The following SMAD4 variants were observed in gnomAD, a reference collection of about 807,000 sequenced individuals.
The protein encoded by SMAD4 is MAD homolog 4.
SMAD4 carries 7 observed loss-of-function variants against 63.2 expected under a neutral mutation model. That is an observed-to-expected ratio of 0.11 (90% CI 0.06 to 0.21). The LOEUF (loss-of-function observed/expected upper bound fraction) is 0.21, where lower values mean the gene tolerates loss of function less well. Ranked by LOEUF, SMAD4 falls within the 10% of genes least tolerant of loss-of-function variation. The pLI is 1.00. For synonymous variants in SMAD4, 215 were observed against 235.4 expected (o/e 0.91, Z 0.79); for missense variants, 312 against 693.8 (o/e 0.45, Z 6.18).
In SMAD4 at chr18:51,079,353, C is replaced by G. The variant is rs1910550858; in HGVS notation, c.*886C>G. On this transcript the variant is annotated 3_prime_UTR_variant, in exon 12 of 12. Coordinates refer to ENST00000342988, the MANE Select transcript of SMAD4 (RefSeq NM_005359.6). Reference sequence around the variant, plus strand: ...AACACTAAAAGCAGCGTCACTCTACCTAATGTCTCACTGTTCTGCAAAGGT... The same window carrying G: ...AACACTAAAAGCAGCGTCACTCTACGTAATGTCTCACTGTTCTGCAAAGGT... The G allele has an allele frequency of 4.3e-6, 1 of 233,360 alleles. No homozygotes were observed. The highest frequency in any genetic ancestry group is 1.8e-4 in the South Asian group (1 of 5,524). 14.5% of individuals were successfully genotyped at this position (233,360 alleles called of 1,614,324 possible). A position where few individuals can be genotyped will look rare whatever the true frequency, so the allele number is the denominator to read the frequency against.
intron 11 of SMAD4, among the ~76,000 whole-genome samples, chr18:51,077,950 T>A (rs1487508776): frequency 3.3e-5 from 5 of 152,214 alleles, no homozygotes; most frequent in African/African-American, 1.2e-4. Flanking sequence ...AAAAACAAGT[T>A]GTTTCTTATC....
At chr18:51,075,281 A>G (rs1248038416) in intron 10 of SMAD4, among the ~76,000 whole-genome samples, 4 of 152,218 alleles carry the variant, frequency 2.6e-5, no homozygotes, top group African/African-American at 4.8e-5. Flanking sequence ...AATTTTTTCA[A>G]GCATCTGAAA....
At chr18:51,058,543 C>A in intron 7 of SMAD4, 87 bp downstream of exon 7, 1 of 843,556 alleles carries the variant, frequency 1.2e-6, no homozygotes, top group Non-Finnish European at 1.9e-6. Flanking sequence ...GTTTTTACAT[C>A]TTTTATTCAT....
Position 51,082,650 on chromosome 18 carries a change from T to TACAA in SMAD4, c.*4183_*4184insACAA, listed in dbSNP as rs1910637816. On this transcript the variant is annotated 3_prime_UTR_variant, in exon 12 of 12. Transcript: ENST00000342988. ...TTCTTTCTGTGCTTGGCTATCTTTG[T>TACAA]GGACTTCAGGGGCTTCTAAAACAGA... The TACAA allele has an allele frequency of 8.6e-6, 2 of 231,428 alleles. No homozygotes were observed. The highest frequency in any genetic ancestry group is 1.7e-5 in the Non-Finnish European group (2 of 117,014). 14.3% of individuals were successfully genotyped at this position (231,428 alleles called of 1,614,324 possible). A position where few individuals can be genotyped will look rare whatever the true frequency, so the allele number is the denominator to read the frequency against.
chr18:51,047,951 C>T (rs568075326), intron 2 of SMAD4, among the ~76,000 whole-genome samples: 7 of 152,156 alleles, frequency 4.6e-5, no homozygotes, highest in African/African-American at 1.7e-4. Context: ...TTTAAACAAC[C>T]GGATTACACT....
rs1568203460 is a variant in SMAD4, at chr18:51,048,775, A to G, written c.339A>G (p.Lys113=). ...ACAAAAATGAACTAAAACATGTTAA[A>G]TATTGTCAGTATGCGTTTGACTTAA... ...DLHKNELKHV[K]YCQYAFDLKC... The change falls in exon 3 of 12, where the codon AAA becomes AAG. Residue 113 remains lysine (K), a synonymous_variant. Coordinates refer to ENST00000342988, the MANE Select transcript of SMAD4 (RefSeq NM_005359.6). 3.1e-6 allele frequency: 5 copies of G among 1,614,040 alleles called. No individual in the cohort carries two copies. Among genetic ancestry groups the G allele is most frequent in the Non-Finnish European group, 4.2e-6 (5 of 1,179,882 alleles).
chr18:51,038,781 A>G (rs2144384046), intron 1 of SMAD4, among the ~76,000 whole-genome samples: 1 of 152,348 alleles, frequency 6.6e-6, no homozygotes, highest in Middle Eastern at 3.4e-3. Context: ...ATTATTTTAA[A>G]TGAATTAATA....
Position 51,079,029 on chromosome 18 carries a change from C to A in SMAD4, c.*562C>A, listed in dbSNP as rs1910542195. The A allele has an allele frequency of 4.3e-6, 1 of 233,276 alleles. No individual in the cohort carries two copies. The highest frequency in any genetic ancestry group is 8.5e-6 in the Non-Finnish European group (1 of 118,008). The allele number at this position is 233,276 out of a possible 1,614,324, so 14.5% of individuals were successfully genotyped here. A position where few individuals can be genotyped will look rare whatever the true frequency, so the allele number is the denominator to read the frequency against. Reference sequence around the variant, plus strand: ...AATCTTTCATCCAAAATATTTTTTGCAAGTTATATTAGTGAAGATGGTTTC... The same window carrying A: ...AATCTTTCATCCAAAATATTTTTTGAAAGTTATATTAGTGAAGATGGTTTC... On this transcript the variant is annotated 3_prime_UTR_variant, in exon 12 of 12. Transcript: ENST00000342988.
At chr18:51,050,650 C>G (rs1418988634) in intron 4 of SMAD4, among the ~76,000 whole-genome samples, 4 of 147,110 alleles carry the variant, frequency 2.7e-5, no homozygotes, top group African/African-American at 1.0e-4. Context: ...CAAAGCGAGA[C>G]TCTGTCTCAA....
Position 51,082,733 on chromosome 18 carries a change from T to G in SMAD4, c.*4266T>G, listed in dbSNP as rs985766679. 2 of 182,306 alleles carry G rather than the reference T, an allele frequency of 1.1e-5. No homozygotes were observed. The highest frequency in any genetic ancestry group is 4.8e-5 in the African/African-American group (2 of 41,620). 11.3% of individuals were successfully genotyped at this position (182,306 alleles called of 1,614,324 possible). A position where few individuals can be genotyped will look rare whatever the true frequency, so the allele number is the denominator to read the frequency against. ...GACAGCTATGGTTTTGAATTTTTAGTTTTTTTTTTTTAACCCACTTCCCCT... is the reference window on the plus strand; with the variant it reads ...GACAGCTATGGTTTTGAATTTTTAGGTTTTTTTTTTTAACCCACTTCCCCT... On this transcript the variant is annotated 3_prime_UTR_variant, in exon 12 of 12. Transcript: ENST00000342988.
intron 10 of SMAD4, among the ~76,000 whole-genome samples, chr18:51,067,819 C>G (rs183114900): frequency 6.6e-6 from 1 of 152,302 alleles, no homozygotes; most frequent in African/African-American, 2.4e-5. Flanking sequence ...TCTGGACTTT[C>G]ATCTTAGCCA....
rs1909801055 is a variant in SMAD4, at chr18:51,054,943, C to G, written c.617C>G (p.Ser206Cys). 6.2e-7 allele frequency: 1 copy of G among 1,614,178 alleles called. No individual in the cohort carries two copies. ...STPALLAPSE[S>C]NATSTANFPN... ...CCAGCTCTGTTAGCCCCATCTGAGT[C>G]TAATGCTACCAGCACTGCCAACTTT... The change falls in exon 5 of 12, where the codon TCT becomes TGT. Residue 206 changes from serine to cysteine, a missense_variant. Transcript: ENST00000342988.
In SMAD4 at chr18:51,052,546, A is replaced by G. The variant is rs149218951; in HGVS notation, c.455-2235A>G. On this transcript the variant is annotated intron_variant, in intron 4 of 11. Transcript: ENST00000342988. Reference sequence around the variant, plus strand: ...TGAATTTGTTGAATGCTAGCCCATAAAGAGAAATATTTAACAGTTTGGTAT... The same window carrying G: ...TGAATTTGTTGAATGCTAGCCCATAGAGAGAAATATTTAACAGTTTGGTAT... 8.1e-4 allele frequency: 172 copies of G among 211,898 alleles called. 1 individual carries two copies. Among genetic ancestry groups the G allele is most frequent in the Non-Finnish European group, 1.4e-3 (137 of 100,864 alleles). 13.1% of individuals were successfully genotyped at this position (211,898 alleles called of 1,614,324 possible). A position where few individuals can be genotyped will look rare whatever the true frequency, so the allele number is the denominator to read the frequency against.
intron 1 of SMAD4, among the ~76,000 whole-genome samples, chr18:51,040,611 T>C (rs956954393): frequency 6.6e-6 from 1 of 152,208 alleles, no homozygotes; most frequent in African/African-American, 2.4e-5. Context: ...TGAATTTACA[T>C]GAGAACCTCT....
chr18:51,044,656 G>A (rs907187459), intron 1 of SMAD4, among the ~76,000 whole-genome samples: 4 of 152,204 alleles, frequency 2.6e-5, no homozygotes, highest in African/African-American at 9.6e-5. Context: ...GCCTCCCAAA[G>A]TGCTGGGATT....
chr18:51,030,714 G>A lies in SMAD4; in HGVS notation c.-128+91G>A, dbSNP rs1361187862. The A allele has an allele frequency of 4.6e-5, 7 of 150,820 alleles. No homozygotes were observed. The South Asian group carries it at 7.2e-4, about 15-fold the overall frequency. 9.3% of individuals were successfully genotyped at this position (150,820 alleles called of 1,614,324 possible). ...GCCCCGGGGCGGGCTCCCGACGACG[G>A]CGGCGGCGGCGGCGGCGGCTGGGAG... On this transcript the variant is annotated intron_variant, in intron 1 of 11. Coordinates refer to ENST00000342988, the MANE Select transcript of SMAD4 (RefSeq NM_005359.6).
intron 10 of SMAD4, among the ~76,000 whole-genome samples, chr18:51,070,759 C>T (rs1464013804): frequency 6.6e-6 from 1 of 152,114 alleles, no homozygotes; most frequent in Non-Finnish European, 1.5e-5. Context: ...GTCTACATTA[C>T]CCACCCATTA....
At chr18:51,073,380 T>TACACACAC (rs1910372899) in intron 10 of SMAD4, among the ~76,000 whole-genome samples, 3 of 88,002 alleles carry the variant, frequency 3.4e-5, no homozygotes, top group African/African-American at 1.2e-4. Context: ...TATATATATA[T>TACACACAC]ATATATATAC....
At chr18:51,043,015 T>C (rs979027073) in intron 1 of SMAD4, among the ~76,000 whole-genome samples, 12 of 152,248 alleles carry the variant, frequency 7.9e-5, no homozygotes, top group African/African-American at 2.2e-4. Flanking sequence ...TTCTTTATTA[T>C]ACATTCTAAC....
Sources: allele counts gnomAD v4.1 joint callset (sites outside exome capture counted in the v4.1 genomes callset), GRCh38; gene constraint gnomAD v4.1.1; transcripts MANE v1.5; gene names NCBI Gene and HGNC (gene_info 2026-07-23, HGNC 2026-07-21).